Variants in CNNM2 observed in about 807,000 individuals in gnomAD.
CNNM2 encodes cyclin and CBS domain divalent metal cation transport mediator 2.
In CNNM2, 12 loss-of-function variants were observed where a neutral mutation model predicts 66.9. The ratio of observed to expected loss-of-function variants is 0.18; its 90% CI spans 0.11 to 0.29. The LOEUF is 0.29. Ranked by LOEUF, CNNM2 falls within the 10% of genes least tolerant of loss-of-function variation. The probability of loss-of-function intolerance (pLI) is 1.00; values close to 1 mark genes in which losing one functional copy is unlikely to be tolerated. For synonymous variants in CNNM2, 557 were observed against 501.8 expected (o/e 1.11, Z -1.47); for missense variants, 705 against 1,167.7 (o/e 0.60, Z 5.77).
intron 4 of CNNM2, among the ~76,000 whole-genome samples, chr10:103,067,599 C>T (rs1054045023): frequency 2.0e-5 from 3 of 152,190 alleles, no homozygotes; most frequent in African/African-American, 7.2e-5. Context: ...AAGAGCATTT[C>T]TGACCCTTGG....
At chr10:103,075,421 T>C (rs1275909880) in intron 6 of CNNM2, among the ~76,000 whole-genome samples, 2 of 152,142 alleles carry the variant, frequency 1.3e-5, no homozygotes, top group African/African-American at 2.4e-5. Context: ...TTCCACTTTG[T>C]TTTAAGGGAA....
intron 2 of CNNM2, 74 bp downstream of exon 2, chr10:103,049,924 G>A (rs1016529654): frequency 4.9e-6 from 7 of 1,438,800 alleles, no homozygotes; most frequent in Middle Eastern, 4.0e-4. Flanking sequence ...GTCTTCTGAC[G>A]TTTCTCCAGT....
chr10:102,978,682 G>C (rs2063674813), intron 1 of CNNM2, among the ~76,000 whole-genome samples: 1 of 152,144 alleles, frequency 6.6e-6, no homozygotes, highest in Admixed American at 6.5e-5. Context: ...CATGTTATGA[G>C]TTTGCAGTGA....
chr10:103,039,983 A>G (rs1230518807), intron 1 of CNNM2, among the ~76,000 whole-genome samples: 1 of 152,162 alleles, frequency 6.6e-6, no homozygotes, highest in Non-Finnish European at 1.5e-5. Context: ...CCTGGCCAAC[A>G]TGGTGAAACC....
chr10:103,060,150 T>A (rs2065359637), intron 4 of CNNM2, among the ~76,000 whole-genome samples: 1 of 151,744 alleles, frequency 6.6e-6, no homozygotes, highest in Admixed American at 6.6e-5. Context: ...AAAAGCTATG[T>A]GACTCATAAA....
At chr10:102,988,416 G>T (rs1008917041) in intron 1 of CNNM2, among the ~76,000 whole-genome samples, 2 of 152,118 alleles carry the variant, frequency 1.3e-5, no homozygotes, top group African/African-American at 2.4e-5. Context: ...ATGCTCACAG[G>T]TGCAAATGAA....
chr10:102,955,855 C>G (rs1847014227), intron 1 of CNNM2, among the ~76,000 whole-genome samples: 2 of 152,318 alleles, frequency 1.3e-5, no homozygotes, highest in South Asian at 4.1e-4. Context: ...GAATGGTGAT[C>G]ATTAAAAAGT....
At chr10:103,069,547 C>T (rs1214544634) in intron 5 of CNNM2, among the ~76,000 whole-genome samples, 110 of 152,220 alleles carry the variant, frequency 7.2e-4, no homozygotes, top group Non-Finnish European at 2.9e-5. Context: ...CTGTGGCCGG[C>T]TCTTGTCTGG....
Position 103,089,883 on chromosome 10 carries a change from T to C in CNNM2, c.*12703T>C. On this transcript the variant is annotated 3_prime_UTR_variant, in exon 8 of 8. Coordinates refer to ENST00000369878, the MANE Select transcript of CNNM2 (RefSeq NM_017649.5). Reference sequence around the variant, plus strand: ...CATCTCATTGATATCTACGTGTGTGTGCTCCACCGTTGATTCATGAGGCAT... The same window carrying C: ...CATCTCATTGATATCTACGTGTGTGCGCTCCACCGTTGATTCATGAGGCAT... 6.2e-7 allele frequency: 1 copy of C among 1,609,020 alleles called. No individual in the cohort carries two copies. Among genetic ancestry groups the C allele is most frequent in the Non-Finnish European group, 8.5e-7 (1 of 1,177,262 alleles).
chr10:102,957,220 G>A (rs772589999), intron 1 of CNNM2, among the ~76,000 whole-genome samples: 5 of 152,100 alleles, frequency 3.3e-5, no homozygotes, highest in East Asian at 3.9e-4. Flanking sequence ...CAGGAGAATC[G>A]CCTTGTACCT....
Position 103,056,815 on chromosome 10 carries a change from T to C in CNNM2, c.1924T>C (p.Ser642Pro). The change falls in exon 4 of 8, where the codon TCC becomes CCC. Residue 642 changes from serine (S) to proline (P), a missense_variant. This residue lies in a region of CNNM2 where 171 missense variants were observed against 304.8 expected (regional missense o/e 0.56). Transcript: ENST00000369878. Reference protein sequence around the residue: ...LATEVEAFSPSQMSEKILLRL... With the variant: ...LATEVEAFSPPQMSEKILLRL... ...TATAGAAGTAGAAGCATTTAGCCCA[T>C]CCCAGATGTCAGAGAAGATCCTTCT... 6.2e-7 allele frequency: 1 copy of C among 1,613,980 alleles called. No individual in the cohort carries two copies. The highest frequency in any genetic ancestry group is 8.5e-7 in the Non-Finnish European group (1 of 1,179,896).
rs185786027 is a variant in CNNM2, at chr10:102,994,206, G to A, written c.1622-55501G>A. ...CCCGCCTTGGGCTCCCAAAGTGCTG[G>A]GATTACAGGCGTGAGCTACCGCACC... On this transcript the variant is annotated intron_variant, in intron 1 of 7. Coordinates refer to ENST00000369878, the MANE Select transcript of CNNM2 (RefSeq NM_017649.5). Among the ~76,000 whole-genome samples, 74 of 152,248 alleles carry A rather than the reference G, an allele frequency of 4.9e-4. 1 individual carries two copies. Among genetic ancestry groups the A allele is most frequent in the African/African-American group, 1.8e-3 (74 of 41,554 alleles).
chr10:102,972,284 G>A (rs985247415), intron 1 of CNNM2, among the ~76,000 whole-genome samples: 6 of 152,072 alleles, frequency 3.9e-5, no homozygotes, highest in South Asian at 4.2e-4. Flanking sequence ...TTCTTTCTTC[G>A]TAGATAAAAT....
intron 1 of CNNM2, among the ~76,000 whole-genome samples, chr10:102,937,692 ATTTGG>A (rs1332396068): frequency 1.3e-5 from 2 of 152,200 alleles, no homozygotes; most frequent in Non-Finnish European, 2.9e-5. Context: ...AAGATCAAAT[ATTTGG>A]TTTGATTATA....
At position 102,945,950 on chromosome 10, in the gene CNNM2, T is replaced by G. The variant is rs117749490; in HGVS notation, c.1621+25849T>G. ...TTTACCTGTAAAGCTACTTCATCTCTGTGGTCATTGATTACTTTACCATAA... is the reference window on the plus strand; with the variant it reads ...TTTACCTGTAAAGCTACTTCATCTCGGTGGTCATTGATTACTTTACCATAA... On this transcript the variant is annotated intron_variant, in intron 1 of 7. Transcript: ENST00000369878. 2.0e-4 allele frequency among the ~76,000 whole-genome samples: 30 copies of G among 152,252 alleles called. No individual in the cohort carries two copies. In the East Asian group the frequency reaches 5.8e-3, roughly 29 times the overall value.
Position 103,054,513 on chromosome 10 carries a change from G to A in CNNM2, c.1903+47G>A, listed in dbSNP as rs750549572. Reference sequence around the variant, plus strand: ...TTGAGATCTCTACCAACCCTGAAGCGTGTTTCTCACCCACCACTGACTGGG... The same window carrying A: ...TTGAGATCTCTACCAACCCTGAAGCATGTTTCTCACCCACCACTGACTGGG... On this transcript the variant is annotated intron_variant, in intron 3 of 7. Transcript: ENST00000369878. The surrounding 1 kb of genome is among the most constrained non-coding windows in gnomAD (Gnocchi z 5.2). 5 of 1,591,606 alleles carry A rather than the reference G, an allele frequency of 3.1e-6. 1 individual carries two copies. The highest frequency in any genetic ancestry group is 2.3e-5 in the South Asian group (2 of 88,458).
intron 1 of CNNM2, among the ~76,000 whole-genome samples, chr10:103,026,250 T>C (rs1353471503): frequency 1.3e-5 from 2 of 152,226 alleles, no homozygotes; most frequent in African/African-American, 4.8e-5. Context: ...TTCTATTCTC[T>C]TAAGTTTTTA....
At chr10:102,997,044 C>A (rs923008575) in intron 1 of CNNM2, among the ~76,000 whole-genome samples, 10 of 152,212 alleles carry the variant, frequency 6.6e-5, no homozygotes, top group Admixed American at 6.5e-5. Context: ...ATATCCTCTC[C>A]TTTCTAGACA....
intron 1 of CNNM2, among the ~76,000 whole-genome samples, chr10:102,946,424 TTTTG>T: frequency 6.6e-6 from 1 of 152,200 alleles, no homozygotes; most frequent in Non-Finnish European, 1.5e-5. Context: ...ATCTTTTCCA[TTTTG>T]CTTTTAGGGA....
Sources: allele counts gnomAD v4.1 joint callset (sites outside exome capture counted in the v4.1 genomes callset), GRCh38; gene constraint gnomAD v4.1.1; regional missense constraint gnomAD v4.1.1; non-coding constraint Gnocchi (gnomAD v3.1); transcripts MANE v1.5; gene names NCBI Gene and HGNC (gene_info 2026-07-23, HGNC 2026-07-21).